TBC1D1: variants seen among roughly 807,000 people sequenced by gnomAD.
TBC1D1 encodes the protein TBC1 (tre-2/USP6, BUB2, cdc16) domain family, member 1.
TBC1D1 carries 89 observed loss-of-function variants against 125.6 expected under a neutral mutation model. That is an observed-to-expected ratio of 0.71 (90% CI 0.60 to 0.85). The LOEUF is 0.85. TBC1D1 is among the 40% of genes least tolerant of loss of function. TBC1D1 has a pLI of 0.00. For missense variants in TBC1D1, 1,377 were observed against 1,469.2 expected (o/e 0.94, Z 1.03); for synonymous variants, 565 against 564.1 (o/e 1.00, Z -0.02).
chr4:38,119,369 G>C (rs1272374859), intron 17 of TBC1D1, among the ~76,000 whole-genome samples: 1 of 151,730 alleles, frequency 6.6e-6, no homozygotes, highest in Non-Finnish European at 1.5e-5. Context: ...CCTTTAAAGA[G>C]TTTCCCATTT....
chr4:38,113,673 G>A lies in TBC1D1; in HGVS notation c.2558-2037G>A, dbSNP rs115343968. Among the ~76,000 whole-genome samples the A allele has an allele frequency of 4.8e-3, 724 of 152,272 alleles. 2 individuals are homozygous for A. The highest frequency in any genetic ancestry group is 0.017 in the African/African-American group (688 of 41,550). ...CTTCTTGGAAGCTGAGCTGGCAAGG[G>A]TAATGGAATGAAAGAGATTGTGAAT... On this transcript the variant is annotated intron_variant, in intron 15 of 19. Coordinates refer to ENST00000261439, the MANE Select transcript of TBC1D1 (RefSeq NM_015173.4).
intron 15 of TBC1D1, chr4:38,111,967 T>G (rs1256927298): frequency 1.0e-6 from 1 of 985,296 alleles, no homozygotes; most frequent in Non-Finnish European, 1.2e-6. Flanking sequence ...GACAGGAAGT[T>G]GCATTTGGGA....
chr4:38,103,807 C>A (rs114522229), intron 15 of TBC1D1, among the ~76,000 whole-genome samples: 3,397 of 152,202 alleles, frequency 0.022, 97 homozygotes, highest in East Asian at 0.061. Context: ...TAGTAACTAT[C>A]TATGTAGAAT....
At chr4:38,128,141 A>G (rs893846717) in intron 18 of TBC1D1, among the ~76,000 whole-genome samples, 7 of 152,206 alleles carry the variant, frequency 4.6e-5, no homozygotes, top group African/African-American at 2.4e-5. Flanking sequence ...GCAGAGAGCA[A>G]TTCTCAGAAC....
rs374150933 is a variant in TBC1D1 at position 38,125,086 on chromosome 4, G to A, written c.3087G>A (p.Thr1029=). Residue 1029 remains threonine, a synonymous_variant, in exon 18 of 20, where the codon ACG becomes ACA. Coordinates refer to ENST00000261439, the MANE Select transcript of TBC1D1 (RefSeq NM_015173.4). ...CCATAGTTGACTTTATAAAAAGCAC[G>A]CTACCCAACCTTGGCTTGGTACAGA... 3.8e-5 allele frequency: 61 copies of A among 1,613,992 alleles called. No homozygotes were observed. The highest frequency in any genetic ancestry group is 1.7e-4 in the African/African-American group (13 of 74,980).
At chr4:38,115,236 GA>G (rs2152572427) in intron 15 of TBC1D1, among the ~76,000 whole-genome samples, 1 of 152,084 alleles carries the variant, frequency 6.6e-6, no homozygotes, top group Non-Finnish European at 1.5e-5. Flanking sequence ...GAGTAGCTGG[GA>G]TTACAGGCAC....
At chr4:38,025,158 G>T (rs932860757) in intron 6 of TBC1D1, among the ~76,000 whole-genome samples, 2 of 152,104 alleles carry the variant, frequency 1.3e-5, no homozygotes, top group Non-Finnish European at 2.9e-5. Flanking sequence ...ATTCATCACC[G>T]CTCTCTCTAA....
chr4:37,998,670 A>G lies in TBC1D1; in HGVS notation c.418-15839A>G, dbSNP rs146054555. Among the ~76,000 whole-genome samples, 126 of 152,306 alleles carry G rather than the reference A, an allele frequency of 8.3e-4. No individual in the cohort carries two copies. In the South Asian group the frequency reaches 8.3e-3, roughly 10 times the overall value. ...GTCCCCACTCTTCAGCCCAGCGCAC[A>G]GCACAGTTTCTGACTTGATAGTCTG... is the stretch of plus-strand genomic sequence containing the variant. On this transcript the variant is annotated intron_variant, in intron 2 of 19. Coordinates refer to ENST00000261439, the MANE Select transcript of TBC1D1 (RefSeq NM_015173.4).
intron 12 of TBC1D1, among the ~76,000 whole-genome samples, chr4:38,077,941 T>C (rs1423216770): frequency 1.3e-5 from 2 of 152,064 alleles, no homozygotes; most frequent in African/African-American, 2.4e-5. Context: ...GGTTGTCCTG[T>C]GTTGACAAGG....
At chr4:38,018,737 G>A (rs931512634) in intron 4 of TBC1D1, among the ~76,000 whole-genome samples, 6 of 152,078 alleles carry the variant, frequency 3.9e-5, no homozygotes, top group African/African-American at 1.4e-4. Flanking sequence ...ATGCACATGT[G>A]TGTGTCTTTG....
intron 18 of TBC1D1, among the ~76,000 whole-genome samples, chr4:38,128,587 C>A (rs1765046391): frequency 6.6e-6 from 1 of 152,174 alleles, no homozygotes; most frequent in South Asian, 2.1e-4. Flanking sequence ...AATGCCTTCC[C>A]TGTATAGATA....
At chr4:38,004,265 C>T (rs547712623) in intron 2 of TBC1D1, among the ~76,000 whole-genome samples, 1 of 152,278 alleles carries the variant, frequency 6.6e-6, no homozygotes, top group Non-Finnish European at 1.5e-5. Flanking sequence ...GCTCCAGATC[C>T]CTGGCTCCCT....
Position 37,977,603 on chromosome 4 carries a change from G to A in TBC1D1, c.418-36906G>A. On this transcript the variant is annotated intron_variant, in intron 2 of 19. Coordinates refer to ENST00000261439, the MANE Select transcript of TBC1D1 (RefSeq NM_015173.4). This position sits in a 1 kb window ranked among gnomAD's most constrained non-coding sequence, Gnocchi z 4.3. ...CGGGGCTGGAACATTTGTAACCTTC[G>A]GGCCGGGGCTGGGCCGGGCCGCTGG... The A allele has an allele frequency of 2.2e-6, 1 of 449,560 alleles. No homozygotes were observed. Among genetic ancestry groups the A allele is most frequent in the Non-Finnish European group, 3.0e-6 (1 of 332,566 alleles). 27.8% of individuals were successfully genotyped at this position (449,560 alleles called of 1,614,324 possible).
At chr4:38,057,455 C>G (rs572777901) in intron 12 of TBC1D1, among the ~76,000 whole-genome samples, 8 of 152,304 alleles carry the variant, frequency 5.3e-5, no homozygotes, top group African/African-American at 1.9e-4. Flanking sequence ...TAAAGGCAGG[C>G]AAGTCAGTGG....
chr4:37,932,908 T>G (rs1276218663), intron 2 of TBC1D1, among the ~76,000 whole-genome samples: 1 of 151,970 alleles, frequency 6.6e-6, no homozygotes, highest in Non-Finnish European at 1.5e-5. Context: ...AATGCAAAAA[T>G]TAGCCAGAGG....
chr4:37,915,157 A>G (rs1290255200), intron 2 of TBC1D1, among the ~76,000 whole-genome samples: 2 of 152,222 alleles, frequency 1.3e-5, no homozygotes, highest in Non-Finnish European at 2.9e-5. Context: ...GAATGAATGA[A>G]TGAATGTTAC....
rs569562984 is a variant in TBC1D1, at chr4:38,057,139, G to A, written c.2050+2801G>A. Among the ~76,000 whole-genome samples the A allele has an allele frequency of 2.6e-5, 4 of 152,170 alleles. No individual in the cohort carries two copies. In the South Asian group the frequency reaches 6.2e-4, roughly 24 times the overall value. On this transcript the variant is annotated intron_variant, in intron 12 of 19. Transcript: ENST00000261439. ...ACCACCCAATCTCCTGCAGGAAGAT[G>A]TCTAGAGACCCCTGTCAGCGCTAGG... is the stretch of plus-strand genomic sequence containing the variant.
At chr4:38,126,566 A>T (rs1764682546) in intron 18 of TBC1D1, among the ~76,000 whole-genome samples, 1 of 152,204 alleles carries the variant, frequency 6.6e-6, no homozygotes, top group South Asian at 2.1e-4. Flanking sequence ...CACATTGCAT[A>T]TGCCCTTATG....
intron 2 of TBC1D1, among the ~76,000 whole-genome samples, chr4:37,980,057 G>C (rs1350443069): frequency 1.3e-5 from 2 of 152,228 alleles, no homozygotes; most frequent in Non-Finnish European, 2.9e-5. Flanking sequence ...GGGATTACAG[G>C]TGTGAGCCAC....
Sources: gnomAD v4.1 joint callset for allele counts (sites outside exome capture counted in the v4.1 genomes callset) on GRCh38, gnomAD v4.1.1 for gene constraint, Gnocchi (gnomAD v3.1) non-coding constraint, MANE v1.5 for transcripts, NCBI Gene and HGNC (gene_info 2026-07-23, HGNC 2026-07-21) for gene names.